Variants in USP12 observed in about 807,000 individuals in gnomAD.
The protein encoded by USP12 is ubiquitin carboxyl-terminal hydrolase 12.
In USP12, 19 loss-of-function variants were observed where a neutral mutation model predicts 45.5. The observed-to-expected ratio is 0.42, with a 90% CI of 0.29 to 0.61. The LOEUF (loss-of-function observed/expected upper bound fraction) is 0.61, where lower values mean the gene tolerates loss of function less well. Ranked by LOEUF, USP12 falls within the 20% of genes least tolerant of loss-of-function variation. USP12 has a pLI of 0.22. For synonymous variants in USP12, 149 were observed against 148.8 expected, an observed-to-expected ratio of 1.00 and a Z score of -0.01; for missense variants, 242 against 447.7, an observed-to-expected ratio of 0.54 and a Z score of 4.15.
intron 3 of USP12, among the ~76,000 whole-genome samples, chr13:27,103,421 G>A (rs1874962429): frequency 6.6e-6 from 1 of 151,352 alleles, no homozygotes; most frequent in African/African-American, 2.4e-5. Flanking sequence ...TTAAAAAAAT[G>A]GCTTTTCTAT....
At chr13:27,161,149 CAT>C (rs1324051585) in intron 1 of USP12, among the ~76,000 whole-genome samples, 2 of 152,200 alleles carry the variant, frequency 1.3e-5, no homozygotes, top group Non-Finnish European at 2.9e-5. Flanking sequence ...AACCATCCTG[CAT>C]ATGAGTCTCT....
Position 27,069,250 on chromosome 13 carries a change from A to G in USP12, c.*33T>C. 1 of 1,537,412 alleles carries G rather than the reference A, an allele frequency of 6.5e-7. No homozygotes were observed. Among genetic ancestry groups the G allele is most frequent in the Non-Finnish European group, 9.0e-7 (1 of 1,113,154 alleles). The stretch of plus-strand genomic sequence containing the variant: ...TTCCAAAATAACCAGAGAAGAAATG[A>G]GGCAGAAAGTGTCTCTTCATCACGG... On this transcript the variant is annotated 3_prime_UTR_variant, in exon 9 of 9. Transcript: ENST00000282344.
chr13:27,153,814 T>G (rs116973484), intron 1 of USP12, among the ~76,000 whole-genome samples: 5 of 152,344 alleles, frequency 3.3e-5, no homozygotes, highest in Non-Finnish European at 7.4e-5. Flanking sequence ...TTATCATCTC[T>G]TTTCTTAGCC....
intron 6 of USP12, chr13:27,089,576 C>G (rs1874220352): frequency 4.1e-6 from 1 of 242,210 alleles, no homozygotes; most frequent in Non-Finnish European, 8.1e-6. Flanking sequence ...TCCCTCAACC[C>G]TCTTCACCAA....
intron 4 of USP12, 146 bp downstream of exon 4, chr13:27,095,455 T>G (rs754300304): frequency 2.3e-4 from 131 of 577,568 alleles, no homozygotes; most frequent in Middle Eastern, 4.6e-4. Flanking sequence ...TACAGACAGA[T>G]TCCTTTTAAC....
At chr13:27,087,792 G>C (rs889439463) in intron 6 of USP12, among the ~76,000 whole-genome samples, 2 of 152,220 alleles carry the variant, frequency 1.3e-5, no homozygotes, top group African/African-American at 4.8e-5. Flanking sequence ...AGAGGAGCCA[G>C]CTTGGAGGAA....
intron 1 of USP12, among the ~76,000 whole-genome samples, chr13:27,142,544 A>G (rs140326384): frequency 1.3e-5 from 2 of 152,330 alleles, no homozygotes; most frequent in African/African-American, 4.8e-5. Context: ...GTACACACAA[A>G]TATACATTTG....
intron 1 of USP12, among the ~76,000 whole-genome samples, chr13:27,141,433 A>G (rs536068860): frequency 1.3e-5 from 2 of 152,338 alleles, no homozygotes; most frequent in South Asian, 4.1e-4. Context: ...GTTTCTAAAT[A>G]CCATTCTCCA....
chr13:27,154,705 C>A (rs920503255), intron 1 of USP12, among the ~76,000 whole-genome samples: 3 of 148,146 alleles, frequency 2.0e-5, no homozygotes, highest in African/African-American at 7.4e-5. Context: ...AAAATGTCCA[C>A]ATCCTAATCC....
chr13:27,100,857 T>C (rs888431088), intron 3 of USP12, among the ~76,000 whole-genome samples: 1 of 152,234 alleles, frequency 6.6e-6, no homozygotes, highest in African/African-American at 2.4e-5. Context: ...GCTGAGGACC[T>C]AGTTAAGGTT....
At chr13:27,113,703 C>G (rs1762079) in intron 2 of USP12, among the ~76,000 whole-genome samples, 1 of 152,210 alleles carries the variant, frequency 6.6e-6, no homozygotes, top group African/African-American at 2.4e-5. Flanking sequence ...TAAAACAGGG[C>G]TGGACGCTTG....
chr13:27,124,496 T>C (rs955976349), intron 1 of USP12, among the ~76,000 whole-genome samples: 2 of 152,216 alleles, frequency 1.3e-5, no homozygotes, highest in Admixed American at 6.5e-5. Context: ...AACTTTAATA[T>C]AAATAAAGAG....
At chr13:27,153,142 G>C (rs1186531321) in intron 1 of USP12, among the ~76,000 whole-genome samples, 1 of 152,022 alleles carries the variant, frequency 6.6e-6, no homozygotes, top group Non-Finnish European at 1.5e-5. Context: ...GACTAGCCTG[G>C]CCAACATGGC....
chr13:27,170,952 C>T lies in USP12; in HGVS notation c.48+640G>A, dbSNP rs375135592. Among the ~76,000 whole-genome samples, 91 of 152,362 alleles carry T rather than the reference C, an allele frequency of 6.0e-4. 2 individuals are homozygous for T. In the East Asian group the frequency reaches 9.1e-3, roughly 15 times the overall value. On this transcript the variant is annotated intron_variant, in intron 1 of 8. Transcript: ENST00000282344. ...TTTAAAGTTTCCACCTTCACACACG[C>T]CCCTTTCCCCCAGCGCGGGGTCGGG... is the stretch of plus-strand genomic sequence containing the variant.
intron 3 of USP12, among the ~76,000 whole-genome samples, chr13:27,096,637 A>G (rs1166877640): frequency 6.6e-6 from 1 of 152,212 alleles, no homozygotes; most frequent in Non-Finnish European, 1.5e-5. Flanking sequence ...AAATGGGACG[A>G]GACAGAGTAC....
intron 2 of USP12, among the ~76,000 whole-genome samples, chr13:27,108,452 G>A (rs544234569): frequency 7.3e-4 from 111 of 151,674 alleles, no homozygotes; most frequent in Non-Finnish European, 7.9e-4. Flanking sequence ...GTTAATGGGT[G>A]CAGCACACCA....
At chr13:27,133,795 A>G (rs1472449493) in intron 1 of USP12, among the ~76,000 whole-genome samples, 1 of 152,208 alleles carries the variant, frequency 6.6e-6, no homozygotes, top group African/African-American at 2.4e-5. Flanking sequence ...TGTAAAAAAA[A>G]ATTATATTCA....
At chr13:27,092,169 G>T (rs1317043061) in intron 4 of USP12, among the ~76,000 whole-genome samples, 2 of 152,106 alleles carry the variant, frequency 1.3e-5, no homozygotes, top group Non-Finnish European at 2.9e-5. Context: ...AACACGCATG[G>T]TATTGATATG....
At position 27,129,007 on chromosome 13, in the gene USP12, C is replaced by A. The variant is rs1458787922; in HGVS notation, c.49-12411G>T. Among the ~76,000 whole-genome samples the A allele has an allele frequency of 3.3e-5, 5 of 152,180 alleles. No homozygotes were observed. The highest frequency in any genetic ancestry group is 7.3e-5 in the Non-Finnish European group (5 of 68,030). ...AGTAACGGAGTTCATACTCCAGATT[C>A]CATATGCAGACTCTGACTCACCCTA... is the stretch of plus-strand genomic sequence containing the variant. On this transcript the variant is annotated intron_variant, in intron 1 of 8. Coordinates refer to ENST00000282344, the MANE Select transcript of USP12 (RefSeq NM_182488.4). This position sits in a 1 kb window ranked among gnomAD's most constrained non-coding sequence, Gnocchi z 4.0.
Sources: allele counts gnomAD v4.1 joint callset (sites outside exome capture counted in the v4.1 genomes callset), GRCh38; gene constraint gnomAD v4.1.1; non-coding constraint Gnocchi (gnomAD v3.1); transcripts MANE v1.5; gene names NCBI Gene and HGNC (gene_info 2026-07-23, HGNC 2026-07-21).